Variants in OR2A12 observed in about 807,000 individuals in gnomAD.
OR2A12 encodes olfactory receptor family 2 subfamily A member 12.
For missense variants in OR2A12, 380 were observed against 372.5 expected, an observed-to-expected ratio of 1.02 and a Z score of -0.17; for synonymous variants, 153 against 149.3, an observed-to-expected ratio of 1.02 and a Z score of -0.18.
Position 144,097,018 on chromosome 7 carries a change from C to T in OR2A12, c.*978C>T, listed in dbSNP as rs1385299825. 1 of 151,256 alleles carries T rather than the reference C, an allele frequency of 6.6e-6. No homozygotes were observed. Among genetic ancestry groups the T allele is most frequent in the Non-Finnish European group, 1.5e-5 (1 of 67,900 alleles). 9.4% of individuals were successfully genotyped at this position (151,256 alleles called of 1,614,324 possible). A position where few individuals can be genotyped will look rare whatever the true frequency, so the allele number is the denominator to read the frequency against. ...CAGTTAGACAAAAAGAACAAATACACCCATGCATGCGCACACACGCACACA... is the reference window on the plus strand; with the variant it reads ...CAGTTAGACAAAAAGAACAAATACATCCATGCATGCGCACACACGCACACA... On this transcript the variant is annotated 3_prime_UTR_variant, in exon 2 of 2. Coordinates refer to ENST00000641592, the MANE Select transcript of OR2A12 (RefSeq NM_001004135.2).
At position 144,098,259 on chromosome 7, in the gene OR2A12, C is replaced by G. The variant is rs2128803598; in HGVS notation, c.*2219C>G. 6.6e-6 allele frequency: 1 copy of G among 152,230 alleles called. No homozygotes were observed. The highest frequency in any genetic ancestry group is 1.5e-5 in the Non-Finnish European group (1 of 68,004). The allele number at this position is 152,230 out of a possible 1,614,324, so 9.4% of individuals were successfully genotyped here. On this transcript the variant is annotated 3_prime_UTR_variant, in exon 2 of 2. Transcript: ENST00000641592. ...CACATGTGTGTTGTCAGTTTACAATCAGTAATATACAAGATCGTCGTACAC... is the reference window on the plus strand; with the variant it reads ...CACATGTGTGTTGTCAGTTTACAATGAGTAATATACAAGATCGTCGTACAC...
At chr7:144,088,021 T>C (rs1426781143) in intron 1 of OR2A12, among the ~76,000 whole-genome samples, 1 of 152,232 alleles carries the variant, frequency 6.6e-6, no homozygotes, top group African/African-American at 2.4e-5. Flanking sequence ...GATTTTGTTT[T>C]GTTTTGTTTT....
At chr7:144,087,595 C>T (rs2051196328) in intron 1 of OR2A12, among the ~76,000 whole-genome samples, 1 of 152,194 alleles carries the variant, frequency 6.6e-6, no homozygotes, top group African/African-American at 2.4e-5. Context: ...AAAATAAACA[C>T]AATTGAATGC....
rs971131459 is a variant in OR2A12 at position 144,096,283 on chromosome 7, T to C, written c.*243T>C. 36 of 296,470 alleles carry C rather than the reference T, an allele frequency of 1.2e-4. No homozygotes were observed. Among genetic ancestry groups the C allele is most frequent in the Non-Finnish European group, 1.5e-4 (24 of 159,610 alleles). The allele number at this position is 296,470 out of a possible 1,614,324, so 18.4% of individuals were successfully genotyped here. On this transcript the variant is annotated 3_prime_UTR_variant, in exon 2 of 2. Transcript: ENST00000641592. Reference sequence around the variant, plus strand: ...CAGCCTAACCAACATGGCGAAACACTGTCTCTATTAAAAATACAAAAATTA... The same window carrying C: ...CAGCCTAACCAACATGGCGAAACACCGTCTCTATTAAAAATACAAAAATTA...
Position 144,086,512 on chromosome 7 carries a change from A to G in OR2A12, c.-83A>G, listed in dbSNP as rs1457391017. 6.6e-6 allele frequency: 1 copy of G among 152,378 alleles called. No individual in the cohort carries two copies. The highest frequency in any genetic ancestry group is 1.5e-5 in the Non-Finnish European group (1 of 68,120). 9.4% of individuals were successfully genotyped at this position (152,378 alleles called of 1,614,324 possible). ...AGGGAAGACATAGGATGGTGGGAAG[A>G]CGCTTCATATGTTGTTCTCTGGACT... On this transcript the variant is annotated 5_prime_UTR_variant, in exon 1 of 2. Transcript: ENST00000641592.
At chr7:144,090,622 C>T (rs1200901799) in intron 1 of OR2A12, among the ~76,000 whole-genome samples, 1 of 152,060 alleles carries the variant, frequency 6.6e-6, no homozygotes, top group Non-Finnish European at 1.5e-5. Flanking sequence ...CAGATTATTT[C>T]ATCACTCAGG....
At chr7:144,091,018 G>GAATGAT (rs1364838683) in intron 1 of OR2A12, among the ~76,000 whole-genome samples, 1 of 152,164 alleles carries the variant, frequency 6.6e-6, no homozygotes, top group African/African-American at 2.4e-5. Context: ...CTTTACAATG[G>GAATGAT]AATGATTTAT....
intron 1 of OR2A12, among the ~76,000 whole-genome samples, chr7:144,094,377 C>T (rs751957073): frequency 1.3e-5 from 2 of 152,144 alleles, no homozygotes; most frequent in Non-Finnish European, 2.9e-5. Context: ...TCTTTCATGG[C>T]CCCAATCCAA....
Position 144,096,015 on chromosome 7 carries a change from T to C in OR2A12, c.908T>C (p.Val303Ala). The change falls in exon 2 of 2, where the codon GTC becomes GCC. Residue 303 changes from valine to alanine, a missense_variant. By Grantham distance (64) the Val-to-Ala change is moderately conservative (BLOSUM62 0). Coordinates refer to ENST00000641592, the MANE Select transcript of OR2A12 (RefSeq NM_001004135.2). ...GAGGTGAAAGGGGCTCTAAAGAGAG[T>C]CCTTTGGAAACAGAGATCAATGTGA... ...NAEVKGALKR[V>A]LWKQRSM 1 of 1,599,026 alleles carries C rather than the reference T, an allele frequency of 6.3e-7. No homozygotes were observed. The highest frequency in any genetic ancestry group is 8.5e-7 in the Non-Finnish European group (1 of 1,173,836).
chr7:144,090,993 T>C (rs2051223610), intron 1 of OR2A12, among the ~76,000 whole-genome samples: 1 of 152,268 alleles, frequency 6.6e-6, no homozygotes, highest in Non-Finnish European at 1.5e-5. Flanking sequence ...GCAGTAAATG[T>C]ACATGTTTAT....
rs2051263739 is a variant in OR2A12 at position 144,096,207 on chromosome 7, C to T, written c.*167C>T. The T allele has an allele frequency of 7.1e-6, 4 of 559,682 alleles. No homozygotes were observed. The highest frequency in any genetic ancestry group is 6.2e-6 in the Non-Finnish European group (2 of 325,052). 34.7% of individuals were successfully genotyped at this position (559,682 alleles called of 1,614,324 possible). A position where few individuals can be genotyped will look rare whatever the true frequency, so the allele number is the denominator to read the frequency against. On this transcript the variant is annotated 3_prime_UTR_variant, in exon 2 of 2. Coordinates refer to ENST00000641592, the MANE Select transcript of OR2A12 (RefSeq NM_001004135.2). ...TGGTGGCTGAAGCCTGTAATCCCAA[C>T]ACTTTGGGAGGCTGACCTGGGCGGA... is the stretch of plus-strand genomic sequence containing the variant.
chr7:144,090,028 A>G (rs1236019019), intron 1 of OR2A12, among the ~76,000 whole-genome samples: 1 of 152,150 alleles, frequency 6.6e-6, no homozygotes, highest in Non-Finnish European at 1.5e-5. Context: ...ATAATATCTT[A>G]CTTTGCTCTC....
At chr7:144,092,247 T>C (rs1475832845) in intron 1 of OR2A12, among the ~76,000 whole-genome samples, 2 of 152,182 alleles carry the variant, frequency 1.3e-5, no homozygotes, top group African/African-American at 4.8e-5. Context: ...CTGTTTTGGT[T>C]ACTGTAGCCC....
rs902414541 is a variant in OR2A12, at chr7:144,097,570, A to G, written c.*1530A>G. 2.0e-5 allele frequency: 3 copies of G among 152,220 alleles called. No individual in the cohort carries two copies. Among genetic ancestry groups the G allele is most frequent in the African/African-American group, 7.2e-5 (3 of 41,458 alleles). 9.4% of individuals were successfully genotyped at this position (152,220 alleles called of 1,614,324 possible). On this transcript the variant is annotated 3_prime_UTR_variant, in exon 2 of 2. Coordinates refer to ENST00000641592, the MANE Select transcript of OR2A12 (RefSeq NM_001004135.2). ...ACTCTATTAAAAGAGAAAGAGTACAACGTGGGAGGATTTGATCCTTCAGAT... is the reference window on the plus strand; with the variant it reads ...ACTCTATTAAAAGAGAAAGAGTACAGCGTGGGAGGATTTGATCCTTCAGAT...
rs969210444 is a variant in OR2A12 at position 144,098,447 on chromosome 7, G to C, written c.*2407G>C. ...GAAACCAAGAAGCAACCAAGTTAGG[G>C]GGAGAGAGATGCATTTTTATGTTCT... is the stretch of plus-strand genomic sequence containing the variant. On this transcript the variant is annotated 3_prime_UTR_variant, in exon 2 of 2. Transcript: ENST00000641592. 2.6e-5 allele frequency: 4 copies of C among 152,034 alleles called. No individual in the cohort carries two copies. The highest frequency in any genetic ancestry group is 4.4e-5 in the Non-Finnish European group (3 of 68,024). The allele number at this position is 152,034 out of a possible 1,614,324, so 9.4% of individuals were successfully genotyped here.
At chr7:144,092,782 A>C (rs1235549456) in intron 1 of OR2A12, among the ~76,000 whole-genome samples, 2 of 152,152 alleles carry the variant, frequency 1.3e-5, no homozygotes, top group Admixed American at 1.3e-4. Context: ...GTAATGAAAA[A>C]AATGAATTTT....
Position 144,095,299 on chromosome 7 carries a change from C to T in OR2A12, c.192C>T (p.His64=), listed in dbSNP as rs1164723526. 1.9e-6 allele frequency: 3 copies of T among 1,613,850 alleles called. No individual in the cohort carries two copies. Among genetic ancestry groups the T allele is most frequent in the Non-Finnish European group, 2.5e-6 (3 of 1,179,900 alleles). ...CACCCATGTATGTCTTCCTGTCACA[C>T]CTGGCCATTGTGGACATGTCCTATG... ...LHTPMYVFLS[H]LAIVDMSYAS... The change falls in exon 2 of 2, where the codon CAC becomes CAT. Residue 64 remains histidine (H), a synonymous_variant. Transcript: ENST00000641592.
intron 1 of OR2A12, among the ~76,000 whole-genome samples, chr7:144,089,396 T>C (rs2051212780): frequency 6.6e-6 from 1 of 152,038 alleles, no homozygotes; most frequent in Non-Finnish European, 1.5e-5. Flanking sequence ...AATTTATGTT[T>C]AAGGGGTTTA....
chr7:144,086,596 A>T (rs536276110), intron 1 of OR2A12, 53 bp downstream of exon 1: 5 of 152,278 alleles, frequency 3.3e-5, no homozygotes, highest in African/African-American at 4.8e-5. Flanking sequence ...TAAAGTCTAC[A>T]TATCTAGAAG....
Sources: gnomAD v4.1 joint callset for allele counts (sites outside exome capture counted in the v4.1 genomes callset) on GRCh38, gnomAD v4.1.1 for gene constraint, MANE v1.5 for transcripts, NCBI Gene and HGNC (gene_info 2026-07-23, HGNC 2026-07-21) for gene names.